CAST: variants seen among roughly 807,000 people sequenced by gnomAD.
The protein encoded by CAST is calpastatin.
CAST carries 76 observed loss-of-function variants against 119.6 expected under a neutral mutation model. The observed-to-expected ratio is 0.64, with a 90% confidence interval of 0.53 to 0.77. The LOEUF is 0.77. Ranked by LOEUF, CAST falls within the 30% of genes least tolerant of loss-of-function variation. The probability of loss-of-function intolerance (pLI) is 0.00; values close to 1 mark genes in which losing one functional copy is unlikely to be tolerated. For synonymous variants in CAST, 319 were observed against 331.6 expected (o/e 0.96, Z 0.41); for missense variants, 953 against 946.5 (o/e 1.01, Z -0.09).
chr5:96,108,487 G>A, the CAST span, among the ~76,000 whole-genome samples: 3 of 152,326 alleles, frequency 2.0e-5, no homozygotes, highest in African/African-American at 4.8e-5. Flanking sequence ...CCGGCCGTGT[G>A]AGGTGTCAGT....
chr5:96,286,827 G>T, the CAST span, among the ~76,000 whole-genome samples: 1 of 151,790 alleles, frequency 6.6e-6, no homozygotes, highest in Non-Finnish European at 1.5e-5. Context: ...TCTCTTACTA[G>T]AGTGATCTAA....
chr5:96,466,299 C>T, the CAST span, among the ~76,000 whole-genome samples: 1 of 152,022 alleles, frequency 6.6e-6, no homozygotes, highest in African/African-American at 2.4e-5. Context: ...TATATTTGTT[C>T]ACGTTTTTAT....
At chr5:96,131,882 G>T in the CAST span, among the ~76,000 whole-genome samples, 1 of 152,180 alleles carries the variant, frequency 6.6e-6, no homozygotes, top group African/African-American at 2.4e-5. Flanking sequence ...TTCAGGTGAT[G>T]TTGGCAGCCA....
At chr5:96,220,316 T>A in the CAST span, among the ~76,000 whole-genome samples, 1 of 152,204 alleles carries the variant, frequency 6.6e-6, no homozygotes, top group South Asian at 2.1e-4. Flanking sequence ...CCCCTCTTCA[T>A]GCATTTTAAT....
At chr5:96,556,597 GA>G (rs1746245633) in intron 1 of CAST, among the ~76,000 whole-genome samples, 1 of 152,216 alleles carries the variant, frequency 6.6e-6, no homozygotes, top group Admixed American at 6.5e-5. Flanking sequence ...TCAACTGGAA[GA>G]AAGGGTATCA....
Position 96,771,649 on chromosome 5 carries a change from A to C in CAST, c.2346A>C (p.Thr782=). ...GGTTTTGCTTTCCCTTTTAGACAAC[A>C]GAGGAAACTTCCAAGCCAAAAGATG... The part of the protein sequence containing the change: ...GGKAKDSAKT[T]EETSKPKDD The change falls in exon 31 of 32, where the codon ACA becomes ACC. Residue 782 remains threonine (T), a synonymous_variant. Transcript: ENST00000675179. The C allele has an allele frequency of 6.2e-7, 1 of 1,612,148 alleles. No individual in the cohort carries two copies. Among genetic ancestry groups the C allele is most frequent in the South Asian group, 1.1e-5 (1 of 90,902 alleles).
chr5:96,382,239 G>A, the CAST span, among the ~76,000 whole-genome samples: 1 of 152,138 alleles, frequency 6.6e-6, no homozygotes, highest in African/African-American at 2.4e-5. Context: ...TGTCAGTTTA[G>A]TGCTCACACA....
intron 1 of CAST, among the ~76,000 whole-genome samples, chr5:96,556,896 A>T (rs1746252068): frequency 6.6e-6 from 1 of 152,174 alleles, no homozygotes; most frequent in Non-Finnish European, 1.5e-5. Context: ...CAACTCCAAG[A>T]CACATAATTG....
At chr5:96,113,996 T>A in the CAST span, among the ~76,000 whole-genome samples, 1 of 152,236 alleles carries the variant, frequency 6.6e-6, no homozygotes, top group African/African-American at 2.4e-5. Context: ...TAGCCTGACC[T>A]CTTAGGCTCT....
chr5:96,618,745 CCTGCAGGGCAGGG>C lies in CAST; in HGVS notation c.61-56791_61-56779del, dbSNP rs1274066688. Among the ~76,000 whole-genome samples the C allele has an allele frequency of 1.9e-3, 282 of 152,342 alleles. 1 individual carries two copies. The highest frequency in any genetic ancestry group is 6.5e-3 in the African/African-American group (272 of 41,580). Reference sequence around the variant, plus strand: ...ATTCTTGCCGGGCCTCAGCTGCCTCCCTGCAGGGCAGGGCTCGGGACCTGCAGTCCACCATGCC... The same window carrying C: ...ATTCTTGCCGGGCCTCAGCTGCCTCCCTCGGGACCTGCAGTCCACCATGCC... On this transcript the variant is annotated intron_variant, in intron 1 of 11. Transcript: ENST00000505143.
At chr5:96,058,913 A>T in the CAST span, among the ~76,000 whole-genome samples, 1 of 152,146 alleles carries the variant, frequency 6.6e-6, no homozygotes, top group Admixed American at 6.5e-5. Flanking sequence ...TTTTATTTTA[A>T]GAGTAGCATA....
chr5:96,371,017 C>T, the CAST span, among the ~76,000 whole-genome samples: 6 of 152,104 alleles, frequency 3.9e-5, no homozygotes, highest in Admixed American at 6.6e-5. Context: ...GAAGAACATC[C>T]GTTAGCAGAT....
At chr5:96,139,999 T>G in the CAST span, among the ~76,000 whole-genome samples, 4 of 152,156 alleles carry the variant, frequency 2.6e-5, no homozygotes, top group African/African-American at 9.7e-5. Context: ...AGTCTTAGTG[T>G]ACCATTATTT....
At chr5:96,360,183 T>C in the CAST span, among the ~76,000 whole-genome samples, 7 of 152,070 alleles carry the variant, frequency 4.6e-5, no homozygotes, top group Admixed American at 1.3e-4. Context: ...TTAAGCATCA[T>C]CAAGTCATTT....
intron 1 of CAST, among the ~76,000 whole-genome samples, chr5:96,553,283 T>A (rs1019263246): frequency 6.6e-6 from 1 of 152,092 alleles, no homozygotes; most frequent in Admixed American, 6.5e-5. Flanking sequence ...ACATAATCCA[T>A]CACATAAACA....
At chr5:96,618,673 G>A (rs1747524596) in intron 1 of CAST, among the ~76,000 whole-genome samples, 3 of 152,246 alleles carry the variant, frequency 2.0e-5, no homozygotes. Flanking sequence ...GGTGCGCTGG[G>A]TCCCCCAGCA....
intron 3 of CAST, among the ~76,000 whole-genome samples, chr5:96,709,470 CCTAT>C (rs1239052110): frequency 3.9e-5 from 6 of 152,162 alleles, no homozygotes; most frequent in Non-Finnish European, 8.8e-5. Context: ...TTAAAGCTTA[CCTAT>C]CTATTTTATT....
chr5:96,480,587 A>T, the CAST span, among the ~76,000 whole-genome samples: 1 of 152,204 alleles, frequency 6.6e-6, no homozygotes, highest in Non-Finnish European at 1.5e-5. Flanking sequence ...TGACATCACC[A>T]GGGAAAGTGA....
intron 1 of CAST, among the ~76,000 whole-genome samples, chr5:96,620,009 A>G (rs919280835): frequency 4.6e-5 from 7 of 152,242 alleles, no homozygotes; most frequent in Non-Finnish European, 1.0e-4. Flanking sequence ...CAGGGCTCTC[A>G]TGAAAATTAC....
Sources: allele counts gnomAD v4.1 joint callset (sites outside exome capture counted in the v4.1 genomes callset), GRCh38; gene constraint gnomAD v4.1.1; transcripts MANE v1.5; gene names NCBI Gene and HGNC (gene_info 2026-07-23, HGNC 2026-07-21).